Variants in ASB18 observed in about 807,000 individuals in gnomAD.
The protein encoded by ASB18 is ankyrin repeat and SOCS box protein 18.
A neutral mutation model predicts 33.4 loss-of-function variants in ASB18; 33 were observed. The observed-to-expected ratio is 0.99, with a 90% CI of 0.75 to 1.32. The LOEUF (loss-of-function observed/expected upper bound fraction) is 1.32, where lower values mean the gene tolerates loss of function less well. Ranked by LOEUF, ASB18 falls within the 40% of genes most tolerant of loss-of-function variation. ASB18 has a pLI of 0.00. For synonymous variants in ASB18, 295 were observed against 307.6 expected (o/e 0.96, Z 0.43); for missense variants, 694 against 655.5 (o/e 1.06, Z -0.64).
chr2:236,224,494 C>T (rs2060527900), intron 3 of ASB18, among the ~76,000 whole-genome samples: 1 of 152,038 alleles, frequency 6.6e-6, no homozygotes, highest in Non-Finnish European at 1.5e-5. Context: ...TGTAACACAG[C>T]ATGTTTGGAG....
chr2:236,258,443 C>G (rs2060703342), intron 1 of ASB18, among the ~76,000 whole-genome samples: 1 of 152,220 alleles, frequency 6.6e-6, no homozygotes, highest in African/African-American at 2.4e-5. Flanking sequence ...TCCCCTTCCT[C>G]TCAGTCCCTT....
intron 4 of ASB18, among the ~76,000 whole-genome samples, chr2:236,206,276 G>A (rs1017708086): frequency 6.6e-6 from 1 of 151,594 alleles, no homozygotes; most frequent in Non-Finnish European, 1.5e-5. Context: ...CAACAATTCA[G>A]ATGATTAGTT....
rs1381232369 is a variant in ASB18 at position 236,214,860 on chromosome 2, C to T, written c.603G>A (p.Ala201=). The change falls in exon 4 of 6, where the codon GCG becomes GCA. Residue 201 remains alanine, a synonymous_variant. Transcript: ENST00000409749. The surrounding 1 kb of genome is among the most constrained non-coding windows in gnomAD (Gnocchi z 6.5). ...LCRTAASLGC[A]QALLEHGASV... ...AGGCCCCGTGCTCCAGCAGCGCCTGCGCGCACCTGTGGGAAGCCAGGGCCT... is the reference window on the plus strand; with the variant it reads ...AGGCCCCGTGCTCCAGCAGCGCCTGTGCGCACCTGTGGGAAGCCAGGGCCT... 4.1e-6 allele frequency: 5 copies of T among 1,210,074 alleles called. No individual in the cohort carries two copies. The Admixed American group carries it at 1.3e-4, about 32-fold the overall frequency. The allele number at this position is 1,210,074 out of a possible 1,614,324, so 75.0% of individuals were successfully genotyped here.
rs553977189 is a variant in ASB18, at chr2:236,256,737, C to G, written c.205+7404G>C. 5.9e-5 allele frequency among the ~76,000 whole-genome samples: 9 copies of G among 152,278 alleles called. 1 individual carries two copies. The highest frequency in any genetic ancestry group is 2.2e-4 in the African/African-American group (9 of 41,552). On this transcript the variant is annotated intron_variant, in intron 1 of 5. Coordinates refer to ENST00000409749, the MANE Select transcript of ASB18 (RefSeq NM_212556.4). This position sits in a 1 kb window ranked among gnomAD's most constrained non-coding sequence, Gnocchi z 4.7. ...AGTCTAATTGCAATTTCACTGTGTT[C>G]CACAGGCAGTGACAGTTCATACTTG... is the stretch of plus-strand genomic sequence containing the variant.
At chr2:236,243,212 C>T (rs1427019516) in intron 1 of ASB18, among the ~76,000 whole-genome samples, 1 of 150,956 alleles carries the variant, frequency 6.6e-6, no homozygotes, top group African/African-American at 2.4e-5. Context: ...CGCCTGTAGT[C>T]CCAGCTACTC....
intron 4 of ASB18, among the ~76,000 whole-genome samples, chr2:236,207,893 G>A (rs2060442139): frequency 6.6e-6 from 1 of 151,558 alleles, no homozygotes; most frequent in South Asian, 2.1e-4. Flanking sequence ...AGGACATTGG[G>A]TCTGGGTCTT....
chr2:236,207,901 C>T (rs2060442160), intron 4 of ASB18, among the ~76,000 whole-genome samples: 1 of 150,884 alleles, frequency 6.6e-6, no homozygotes, highest in Non-Finnish European at 1.5e-5. Context: ...GGGTCTGGGT[C>T]TTCCTAGACT....
chr2:236,249,174 G>A lies in ASB18; in HGVS notation c.206-7772C>T, dbSNP rs1402846870. On this transcript the variant is annotated intron_variant, in intron 1 of 5. Transcript: ENST00000409749. The surrounding 1 kb of genome is among the most constrained non-coding windows in gnomAD (Gnocchi z 4.6). The stretch of plus-strand genomic sequence containing the variant: ...TCTCATTGGGACTCTTGGCTTTGTA[G>A]AACTGAGAGTCCCTCTGAGAACTCC... The A allele has an allele frequency of 6.6e-6, 1 of 152,184 alleles. No individual in the cohort carries two copies. The highest frequency in any genetic ancestry group is 1.5e-5 in the Non-Finnish European group (1 of 68,048). 9.4% of individuals were successfully genotyped at this position (152,184 alleles called of 1,614,324 possible).
At position 236,237,371 on chromosome 2, in the gene ASB18, G is replaced by A. The variant is rs2060598144; in HGVS notation, c.596+318C>T. On this transcript the variant is annotated intron_variant, in intron 3 of 5. Transcript: ENST00000409749. The surrounding 1 kb of genome is among the most constrained non-coding windows in gnomAD (Gnocchi z 6.2). ...GGCCGGGGCGCGGGGCGGGGGCCGG[G>A]GCCGGGGCGCGGGGCGGGGGCCGGG... Among the ~76,000 whole-genome samples, 1 of 66,724 alleles carries A rather than the reference G, an allele frequency of 1.5e-5. No individual in the cohort carries two copies. Among genetic ancestry groups the A allele is most frequent in the South Asian group, 4.1e-4 (1 of 2,426 alleles). The allele number at this position is 66,724 out of a possible 152,430, so 43.8% of individuals were successfully genotyped here. A position where few individuals can be genotyped will look rare whatever the true frequency, so the allele number is the denominator to read the frequency against.
At position 236,194,042 on chromosome 2, in the gene ASB18, C is replaced by T. The variant is rs945781476; in HGVS notation, c.*830G>A. Among the ~76,000 whole-genome samples the T allele has an allele frequency of 6.6e-6, 1 of 151,634 alleles. No individual in the cohort carries two copies. The highest frequency in any genetic ancestry group is 1.9e-4 in the East Asian group (1 of 5,190). ...GGGGTGGACTCTGGCCACGCACGAC[C>T]CTGAACTAGAATAAGCACATTAGAA... On this transcript the variant is annotated 3_prime_UTR_variant, in exon 6 of 6. Coordinates refer to ENST00000409749, the MANE Select transcript of ASB18 (RefSeq NM_212556.4). The surrounding 1 kb of genome is among the most constrained non-coding windows in gnomAD (Gnocchi z 4.5).
chr2:236,241,558 G>T lies in ASB18; in HGVS notation c.206-156C>A. 1.2e-6 allele frequency: 1 copy of T among 828,900 alleles called. No homozygotes were observed. Among genetic ancestry groups the T allele is most frequent in the Non-Finnish European group, 2.0e-6 (1 of 498,608 alleles). The allele number at this position is 828,900 out of a possible 1,614,324, so 51.3% of individuals were successfully genotyped here. ...GATTTCAGAAGAGTTCTTCAGGAAC[G>T]GGAAAGATGGTCTTATGGAGTGTGA... On this transcript the variant is annotated intron_variant, in intron 1 of 5. Coordinates refer to ENST00000409749, the MANE Select transcript of ASB18 (RefSeq NM_212556.4). This position sits in a 1 kb window ranked among gnomAD's most constrained non-coding sequence, Gnocchi z 4.2.
chr2:236,260,695 C>A lies in ASB18; in HGVS notation c.205+3446G>T, dbSNP rs1256493811. 6.6e-6 allele frequency among the ~76,000 whole-genome samples: 1 copy of A among 152,206 alleles called. No homozygotes were observed. The highest frequency in any genetic ancestry group is 1.5e-5 in the Non-Finnish European group (1 of 68,040). On this transcript the variant is annotated intron_variant, in intron 1 of 5. Transcript: ENST00000409749. This position sits in a 1 kb window ranked among gnomAD's most constrained non-coding sequence, Gnocchi z 5.1. Reference sequence around the variant, plus strand: ...GCCAGCAGTGGTTCCCAAGGAGCATCTGCAAATCACCAATTCTACGGGTTG... The same window carrying A: ...GCCAGCAGTGGTTCCCAAGGAGCATATGCAAATCACCAATTCTACGGGTTG...
At chr2:236,243,158 G>T (rs1309595714) in intron 1 of ASB18, among the ~76,000 whole-genome samples, 2 of 150,914 alleles carry the variant, frequency 1.3e-5, no homozygotes, top group East Asian at 3.9e-4. Context: ...GTGAAACCCC[G>T]TCTCTACTAA....
At position 236,259,555 on chromosome 2, in the gene ASB18, G is replaced by T. The variant is rs772037660; in HGVS notation, c.205+4586C>A. The T allele has an allele frequency of 4.5e-5, 21 of 471,120 alleles. No homozygotes were observed. Among genetic ancestry groups the T allele is most frequent in the South Asian group, 3.3e-4 (21 of 64,552 alleles). 29.2% of individuals were successfully genotyped at this position (471,120 alleles called of 1,614,324 possible). The stretch of plus-strand genomic sequence containing the variant: ...AGTGGGAAGGGATGGCCTTCCAGTG[G>T]ACGTGACCTCCCCTGCATGGGGTCG... On this transcript the variant is annotated intron_variant, in intron 1 of 5. Transcript: ENST00000409749. This position sits in a 1 kb window ranked among gnomAD's most constrained non-coding sequence, Gnocchi z 4.4.
At position 236,221,662 on chromosome 2, in the gene ASB18, T is replaced by G. The variant is rs1019526390; in HGVS notation, c.597-6796A>C. On this transcript the variant is annotated intron_variant, in intron 3 of 5. Coordinates refer to ENST00000409749, the MANE Select transcript of ASB18 (RefSeq NM_212556.4). The surrounding 1 kb of genome is among the most constrained non-coding windows in gnomAD (Gnocchi z 5.6). The stretch of plus-strand genomic sequence containing the variant: ...TTGCCCAGTCTCAGGTATGTCTTTA[T>G]CAGAAGCGTGAAAACGGACTAATAC... Among the ~76,000 whole-genome samples the G allele has an allele frequency of 4.6e-5, 7 of 152,132 alleles. No homozygotes were observed. Among genetic ancestry groups the G allele is most frequent in the South Asian group, 2.1e-4 (1 of 4,826 alleles).
rs1476180244 is a variant in ASB18, at chr2:236,245,231, G to T, written c.206-3829C>A. ...GCCCATTGGGCTTAGCTCTTGTGGG[G>T]TCAGGGCTAGCTGCCCTTGGGGGCT... On this transcript the variant is annotated intron_variant, in intron 1 of 5. Transcript: ENST00000409749. This position sits in a 1 kb window ranked among gnomAD's most constrained non-coding sequence, Gnocchi z 4.7. 6.6e-6 allele frequency among the ~76,000 whole-genome samples: 1 copy of T among 152,238 alleles called. No individual in the cohort carries two copies. Among genetic ancestry groups the T allele is most frequent in the Non-Finnish European group, 1.5e-5 (1 of 68,040 alleles).
intron 1 of ASB18, among the ~76,000 whole-genome samples, chr2:236,242,634 T>A (rs116569951): frequency 2.4e-4 from 37 of 152,178 alleles, no homozygotes; most frequent in African/African-American, 6.0e-4. Flanking sequence ...AATTTTTTTT[T>A]AAATTATTTT....
rs1052347709 is a variant in ASB18 at position 236,260,032 on chromosome 2, A to G, written c.205+4109T>C. Among the ~76,000 whole-genome samples the G allele has an allele frequency of 6.6e-6, 1 of 151,950 alleles. No homozygotes were observed. On this transcript the variant is annotated intron_variant, in intron 1 of 5. Coordinates refer to ENST00000409749, the MANE Select transcript of ASB18 (RefSeq NM_212556.4). This position sits in a 1 kb window ranked among gnomAD's most constrained non-coding sequence, Gnocchi z 5.1. ...AATAAATTCTGTTTCTTTCTGTTCT[A>G]TTTGGTGGGAGTAGTAAGTTCACAG... is the stretch of plus-strand genomic sequence containing the variant.
At position 236,243,316 on chromosome 2, in the gene ASB18, C is replaced by T. The variant is rs532455998; in HGVS notation, c.206-1914G>A. On this transcript the variant is annotated intron_variant, in intron 1 of 5. Transcript: ENST00000409749. ...CTGCACTCCAGCCTGGGCAACAGAG[C>T]GAGACTCCATCTCAAAAAAAAAAAA... is the stretch of plus-strand genomic sequence containing the variant. Among the ~76,000 whole-genome samples, 900 of 131,314 alleles carry T rather than the reference C, an allele frequency of 6.9e-3. 12 individuals are homozygous for T. The highest frequency in any genetic ancestry group is 0.021 in the African/African-American group (670 of 32,574). The allele number at this position is 131,314 out of a possible 152,430, so 86.1% of individuals were successfully genotyped here. A position where few individuals can be genotyped will look rare whatever the true frequency, so the allele number is the denominator to read the frequency against.
Sources: gnomAD v4.1 joint callset for allele counts (sites outside exome capture counted in the v4.1 genomes callset) on GRCh38, gnomAD v4.1.1 for gene constraint, Gnocchi (gnomAD v3.1) non-coding constraint, MANE v1.5 for transcripts, NCBI Gene and HGNC (gene_info 2026-07-23, HGNC 2026-07-21) for gene names.